The following THAP8 variants were observed in gnomAD, a reference collection of about 807,000 sequenced individuals.
THAP8 encodes the protein THAP domain containing 8.
Under a neutral mutation model 25.0 loss-of-function variants are expected in THAP8, and 24 were observed. That is an observed-to-expected ratio of 0.96 (90% CI 0.69 to 1.35). The LOEUF (loss-of-function observed/expected upper bound fraction) is 1.35. THAP8 is among the 40% of genes most tolerant of loss of function. The probability of loss-of-function intolerance (pLI) is 0.00; values close to 1 mark genes in which losing one functional copy is unlikely to be tolerated. For synonymous variants in THAP8, 169 were observed against 157.6 expected (o/e 1.07, Z -0.54); for missense variants, 399 against 368.8 (o/e 1.08, Z -0.67).
At position 36,054,271 on chromosome 19, in the gene THAP8, C is replaced by A. The variant is rs1284584526; in HGVS notation, c.-54G>T. The A allele has an allele frequency of 6.4e-7, 1 of 1,566,670 alleles. No individual in the cohort carries two copies. The highest frequency in any genetic ancestry group is 2.4e-5 in the East Asian group (1 of 42,486). ...GGGTCAGCGGCTGCACTTTGGTTCT[C>A]GCGGAGCGCCGCCTAACCCCGCCCC... On this transcript the variant is annotated 5_prime_UTR_variant, in exon 1 of 4. Transcript: ENST00000292894.
chr19:36,053,846 G>A (rs1164884830), intron 1 of THAP8, among the ~76,000 whole-genome samples: 1 of 152,142 alleles, frequency 6.6e-6, no homozygotes, highest in East Asian at 1.9e-4. Context: ...GAGGGCAAGT[G>A]GGCATCTGCA....
chr19:36,044,089 A>G (rs918659263), intron 1 of THAP8, among the ~76,000 whole-genome samples: 2 of 152,056 alleles, frequency 1.3e-5, no homozygotes, highest in Non-Finnish European at 2.9e-5. Context: ...TACCCATAAT[A>G]AAGACCTCCT....
Position 36,039,996 on chromosome 19 carries a change from T to C in THAP8, c.224A>G (p.Tyr75Cys). Residue 75 changes from tyrosine to cysteine, a missense_variant, in exon 2 of 4, where the codon TAC becomes TGC. Transcript: ENST00000292894. ...SCFQWRWGVR[Y>C]LRPDAVPSIF... Reference sequence around the variant, plus strand: ...GGAGGGCACTGCATCAGGCCGCAGGTAGCGCACACCCCAGCGCCACTGGAA... The same window carrying C: ...GGAGGGCACTGCATCAGGCCGCAGGCAGCGCACACCCCAGCGCCACTGGAA... The C allele has an allele frequency of 2.5e-6, 4 of 1,613,588 alleles. No individual in the cohort carries two copies. Among genetic ancestry groups the C allele is most frequent in the Non-Finnish European group, 3.4e-6 (4 of 1,179,946 alleles).
intron 1 of THAP8, among the ~76,000 whole-genome samples, chr19:36,044,532 C>T (rs1256446166): frequency 6.6e-6 from 1 of 152,120 alleles, no homozygotes; most frequent in Non-Finnish European, 1.5e-5. Context: ...TTCTGTTGCC[C>T]AGGCTAAAGT....
At chr19:36,037,380 A>ACACACACC (rs1024146227) in intron 3 of THAP8, among the ~76,000 whole-genome samples, 172 of 145,560 alleles carry the variant, frequency 1.2e-3, no homozygotes, top group South Asian at 6.2e-3. Context: ...ACACACACAC[A>ACACACACC]CCCAGCAGTA....
At chr19:36,048,151 T>C (rs953270537) in intron 1 of THAP8, among the ~76,000 whole-genome samples, 8 of 152,252 alleles carry the variant, frequency 5.3e-5, no homozygotes, top group African/African-American at 1.9e-4. Context: ...CCAGCAATAC[T>C]CCAAATAGGG....
intron 3 of THAP8, among the ~76,000 whole-genome samples, chr19:36,038,628 G>T (rs1412155114): frequency 6.6e-6 from 1 of 152,170 alleles, no homozygotes; most frequent in Non-Finnish European, 1.5e-5. Context: ...AAGGCAGGTG[G>T]ATCACGAGGT....
At chr19:36,036,441 T>C (rs1969449352) in intron 3 of THAP8, among the ~76,000 whole-genome samples, 1 of 152,080 alleles carries the variant, frequency 6.6e-6, no homozygotes, top group African/African-American at 2.4e-5. Flanking sequence ...GCTAATTTTT[T>C]GTGTTTCTTG....
At chr19:36,044,490 TTTTC>T (rs1339899391) in intron 1 of THAP8, among the ~76,000 whole-genome samples, 1 of 150,902 alleles carries the variant, frequency 6.6e-6, no homozygotes, top group African/African-American at 2.4e-5. Context: ...CTTTCTTTTC[TTTTC>T]TTTCTTTTTT....
intron 1 of THAP8, among the ~76,000 whole-genome samples, chr19:36,052,203 C>T (rs969497233): frequency 1.3e-5 from 2 of 152,186 alleles, no homozygotes; most frequent in Admixed American, 1.3e-4. Context: ...TGCCACCACA[C>T]CTAGCTAATT....
At chr19:36,037,117 G>A (rs1285792239) in intron 3 of THAP8, among the ~76,000 whole-genome samples, 3 of 151,776 alleles carry the variant, frequency 2.0e-5, no homozygotes, top group Non-Finnish European at 4.4e-5. Flanking sequence ...TGGCCCTAGG[G>A]TTTTAAGACA....
At chr19:36,042,566 G>C (rs954079825) in intron 1 of THAP8, among the ~76,000 whole-genome samples, 2 of 152,164 alleles carry the variant, frequency 1.3e-5, no homozygotes, top group African/African-American at 4.8e-5. Flanking sequence ...AGGAGGTTAA[G>C]GCTACAGTGA....
rs113563468 is a variant in THAP8 at position 36,054,148 on chromosome 19, C to G, written c.70G>C (p.Val24Leu). 2.5e-6 allele frequency: 4 copies of G among 1,613,950 alleles called. No homozygotes were observed. The highest frequency in any genetic ancestry group is 2.5e-6 in the Non-Finnish European group (3 of 1,179,952). The change falls in exon 1 of 4, where the codon GTG (valine) becomes CTG (leucine). Residue 24 changes from valine (V) to leucine (L), a missense_variant. Coordinates refer to ENST00000292894, the MANE Select transcript of THAP8 (RefSeq NM_152658.3). Reference protein sequence around the residue: ...AGRLGADNRPVSFYKFPLKDG... With the variant: ...AGRLGADNRPLSFYKFPLKDG... ...CGCTGCGCTCACTTGTAGAAGCTCA[C>G]AGGGCGGTTGTCTGCACCCAGGCGG...
chr19:36,048,411 G>A (rs1969946508), intron 1 of THAP8, among the ~76,000 whole-genome samples: 1 of 151,406 alleles, frequency 6.6e-6, no homozygotes, highest in Non-Finnish European at 1.5e-5. Flanking sequence ...TGTTGCCTAG[G>A]CTGGAGTGCA....
upstream of THAP8, chr19:36,054,444 G>A (rs971918987): frequency 4.0e-5 from 24 of 602,526 alleles, no homozygotes; most frequent in Non-Finnish European, 6.2e-5. Flanking sequence ...AGCGAGTACT[G>A]TGCACCTGCG....
chr19:36,039,764 G>C (rs775219543), intron 2 of THAP8, 46 bp from the exon 3 acceptor site: 1 of 1,485,596 alleles, frequency 6.7e-7, no homozygotes, highest in Non-Finnish European at 9.0e-7. Context: ...GTCAGACTTC[G>C]ACTCAGGAGG....
chr19:36,053,073 AT>A (rs940837997), intron 1 of THAP8, among the ~76,000 whole-genome samples: 1 of 149,920 alleles, frequency 6.7e-6, no homozygotes. Flanking sequence ...TAAAAACAAA[AT>A]TTTTTTTTTT....
At chr19:36,051,580 G>T (rs1970056615) in intron 1 of THAP8, among the ~76,000 whole-genome samples, 1 of 152,138 alleles carries the variant, frequency 6.6e-6, no homozygotes, top group South Asian at 2.1e-4. Context: ...AGAGGAGAGG[G>T]TTAGAAGTGA....
At chr19:36,041,411 C>T (rs892136270) in intron 1 of THAP8, among the ~76,000 whole-genome samples, 8 of 151,880 alleles carry the variant, frequency 5.3e-5, no homozygotes, top group Admixed American at 1.3e-4. Flanking sequence ...GAAATAATTA[C>T]GGATAAAAGA....
Sources: gnomAD v4.1 joint callset for allele counts (sites outside exome capture counted in the v4.1 genomes callset) on GRCh38, gnomAD v4.1.1 for gene constraint, MANE v1.5 for transcripts, NCBI Gene and HGNC (gene_info 2026-07-23, HGNC 2026-07-21) for gene names.